ASPRV1: variants seen among roughly 807,000 people sequenced by gnomAD.
The protein encoded by ASPRV1 is retroviral-like aspartic protease 1.
In ASPRV1, 7 loss-of-function variants were observed where a neutral mutation model predicts 11.0. The observed-to-expected ratio is 0.64, with a 90% CI of 0.36 to 1.20. ASPRV1 has a LOEUF of 1.20. ASPRV1 is among the 50% of genes most tolerant of loss of function. The pLI is 0.02. For synonymous variants in ASPRV1, 136 were observed against 138.4 expected, an observed-to-expected ratio of 0.98 and a Z score of 0.12; for missense variants, 299 against 320.0, an observed-to-expected ratio of 0.93 and a Z score of 0.50.
At chr2:70,080,411 G>C in the ASPRV1 span, among the ~76,000 whole-genome samples, 1 of 152,136 alleles carries the variant, frequency 6.6e-6, no homozygotes, top group African/African-American at 2.4e-5. Flanking sequence ...ATTTTTAGTA[G>C]AGACAGGGTT....
At chr2:69,935,209 T>C in the ASPRV1 span, 1 of 638,112 alleles carries the variant, frequency 1.6e-6, no homozygotes, top group African/African-American at 1.8e-5. Flanking sequence ...GTTCAAAATA[T>C]GTTTATTCAG....
At chr2:69,945,953 A>C in the ASPRV1 span, among the ~76,000 whole-genome samples, 2 of 152,148 alleles carry the variant, frequency 1.3e-5, no homozygotes, top group Admixed American at 6.5e-5. Flanking sequence ...CAAAGAAAGC[A>C]GCCATCCTGG....
the ASPRV1 span, among the ~76,000 whole-genome samples, chr2:69,953,496 C>T: frequency 1.3e-5 from 2 of 152,214 alleles, no homozygotes; most frequent in South Asian, 2.1e-4. Flanking sequence ...TGTGCAGGGA[C>T]GCTGGGCATT....
the ASPRV1 span, among the ~76,000 whole-genome samples, chr2:70,019,727 T>G: frequency 9.0e-4 from 137 of 151,992 alleles, no homozygotes; most frequent in African/African-American, 3.2e-3. Flanking sequence ...CTCATAGAAA[T>G]AGAGAGTAAA....
At chr2:69,985,969 G>A in the ASPRV1 span, among the ~76,000 whole-genome samples, 1 of 152,196 alleles carries the variant, frequency 6.6e-6, no homozygotes, top group Non-Finnish European at 1.5e-5. Flanking sequence ...ATTTGGAGGG[G>A]AAGTTTGGAA....
the ASPRV1 span, among the ~76,000 whole-genome samples, chr2:70,003,532 G>A: frequency 6.6e-6 from 1 of 152,218 alleles, no homozygotes. Context: ...CCTGGCATGA[G>A]AGCAAGGTCC....
the ASPRV1 span, among the ~76,000 whole-genome samples, chr2:69,979,391 C>T: frequency 6.6e-6 from 1 of 152,208 alleles, no homozygotes; most frequent in South Asian, 2.1e-4. Context: ...TCTCCTTTGC[C>T]TCTTTGTTTC....
the ASPRV1 span, among the ~76,000 whole-genome samples, chr2:70,065,785 C>T: frequency 1.1e-3 from 127 of 116,858 alleles, no homozygotes; most frequent in African/African-American, 4.1e-3. Flanking sequence ...CACCACTGCA[C>T]TACAGCCTGG....
chr2:69,933,900 C>T, the ASPRV1 span, among the ~76,000 whole-genome samples: 87,222 of 152,122 alleles, frequency 0.57, 27,476 homozygotes, highest in African/African-American at 0.83. Flanking sequence ...CCTCCTAGAC[C>T]CCAGGGAACT....
At chr2:70,019,989 T>C in the ASPRV1 span, among the ~76,000 whole-genome samples, 2 of 150,498 alleles carry the variant, frequency 1.3e-5, no homozygotes, top group East Asian at 1.9e-4. Context: ...AATGTGTGTG[T>C]ATATATATAT....
chr2:70,040,783 G>A, the ASPRV1 span, among the ~76,000 whole-genome samples: 5 of 150,922 alleles, frequency 3.3e-5, no homozygotes, highest in African/African-American at 1.2e-4. Flanking sequence ...TCAGTGAGCC[G>A]AGATCACACC....
At chr2:69,936,031 G>A in the ASPRV1 span, among the ~76,000 whole-genome samples, 1 of 151,982 alleles carries the variant, frequency 6.6e-6, no homozygotes, top group Non-Finnish European at 1.5e-5. Flanking sequence ...CCTTTCTCCA[G>A]CCCTTCTTCC....
chr2:69,955,909 G>T (rs1558579378), downstream of ASPRV1, among the ~76,000 whole-genome samples: 1 of 152,050 alleles, frequency 6.6e-6, no homozygotes, highest in Non-Finnish European at 1.5e-5. Flanking sequence ...AGAGGTCCTA[G>T]GAGTGATGGC....
At chr2:69,972,960 T>A in the ASPRV1 span, among the ~76,000 whole-genome samples, 9 of 152,032 alleles carry the variant, frequency 5.9e-5, 1 homozygote, top group African/African-American at 2.2e-4. Flanking sequence ...CCTCTTTCCA[T>A]CAGCCATTCC....
At chr2:70,005,479 T>C in the ASPRV1 span, among the ~76,000 whole-genome samples, 1 of 152,370 alleles carries the variant, frequency 6.6e-6, no homozygotes, top group East Asian at 1.9e-4. Flanking sequence ...AATGTATTTA[T>C]TAAAGTTACA....
chr2:70,057,272 T>G, the ASPRV1 span, among the ~76,000 whole-genome samples: 1 of 151,680 alleles, frequency 6.6e-6, no homozygotes, highest in African/African-American at 2.4e-5. Flanking sequence ...AAAAAGAAAA[T>G]TTTCAGAAAC....
the ASPRV1 span, among the ~76,000 whole-genome samples, chr2:70,009,083 A>G: frequency 6.6e-6 from 1 of 152,154 alleles, no homozygotes; most frequent in African/African-American, 2.4e-5. Context: ...TTCAGGAGAG[A>G]AAAAAATTAA....
the ASPRV1 span, among the ~76,000 whole-genome samples, chr2:70,029,144 G>A: frequency 8.4e-3 from 1,274 of 152,120 alleles, 19 homozygotes; most frequent in African/African-American, 0.03. Context: ...CTGTATCTGG[G>A]GCTTAGGAGT....
the ASPRV1 span, among the ~76,000 whole-genome samples, chr2:69,989,100 G>A: frequency 3.3e-5 from 5 of 152,228 alleles, no homozygotes; most frequent in East Asian, 9.6e-4. Context: ...CATGGGCAGG[G>A]GATAGGGCCC....
Sources: gnomAD v4.1 joint callset for allele counts (sites outside exome capture counted in the v4.1 genomes callset) on GRCh38, gnomAD v4.1.1 for gene constraint, MANE v1.5 for transcripts, NCBI Gene and HGNC (gene_info 2026-07-23, HGNC 2026-07-21) for gene names.